MCM9: variants seen among roughly 807,000 people sequenced by gnomAD.
The protein encoded by MCM9 is minichromosome maintenance 9 homologous recombination repair factor.
In MCM9, 55 loss-of-function variants were observed where a neutral mutation model predicts 72.8. The observed-to-expected ratio is 0.76, with a 90% confidence interval of 0.61 to 0.95. The LOEUF is 0.95. Among genes scored for constraint, MCM9 ranks in the 40% least tolerant of loss-of-function variants. MCM9 has a pLI of 0.00. For missense variants in MCM9, 1,279 were observed against 1,377.0 expected (o/e 0.93, Z 1.13); for synonymous variants, 480 against 503.4 (o/e 0.95, Z 0.62).
chr6:118,932,061 C>T (rs770718517), intron 2 of MCM9, among the ~76,000 whole-genome samples: 7 of 152,200 alleles, frequency 4.6e-5, no homozygotes, highest in Non-Finnish European at 1.0e-4. Context: ...ATGCACCTAA[C>T]AACATTTCCG....
chr6:118,874,335 A>C (rs1196547529), intron 8 of MCM9, among the ~76,000 whole-genome samples: 3 of 152,322 alleles, frequency 2.0e-5, no homozygotes, highest in Middle Eastern at 6.8e-3. Flanking sequence ...TCACAATATC[A>C]ATAGATGCAG....
At chr6:118,908,669 A>G (rs551993426) in intron 8 of MCM9, 1 of 152,438 alleles carries the variant, frequency 6.6e-6, no homozygotes, top group East Asian at 1.9e-4. Flanking sequence ...AAATCTTTGA[A>G]AAGCAATCTT....
At chr6:118,839,197 T>C (rs1165493838) in intron 9 of MCM9, among the ~76,000 whole-genome samples, 2 of 151,902 alleles carry the variant, frequency 1.3e-5, no homozygotes, top group African/African-American at 4.8e-5. Flanking sequence ...TGATATCCTT[T>C]CTTCTGCTTG....
At chr6:118,907,520 TTTC>T in intron 8 of MCM9, 3 of 1,613,698 alleles carry the variant, frequency 1.9e-6, no homozygotes, top group Non-Finnish European at 2.5e-6. Context: ...CAGTCACTTC[TTTC>T]AACAGATGCA....
intron 8 of MCM9, 143 bp downstream of exon 8, chr6:118,911,507 A>T: frequency 7.4e-7 from 1 of 1,358,422 alleles, no homozygotes; most frequent in East Asian, 2.7e-5. Context: ...CCAAAATAAC[A>T]TTGCATATTT....
At position 118,820,715 on chromosome 6, in the gene MCM9, A is replaced by T. The variant is rs547940665; in HGVS notation, c.1962-4421T>A. ...CCTCATGGATCTATCTAATACTGAC[A>T]GTGGGGAGTTAAAGTCTCCCACTAT... On this transcript the variant is annotated intron_variant, in intron 13 of 13. Coordinates refer to ENST00000619706, the MANE Select transcript of MCM9 (RefSeq NM_017696.3). 3.3e-5 allele frequency among the ~76,000 whole-genome samples: 5 copies of T among 152,258 alleles called. No individual in the cohort carries two copies. The East Asian group carries it at 9.6e-4, about 29-fold the overall frequency.
In MCM9 at chr6:118,815,689, G is replaced by GC; in HGVS notation, c.2566dup (p.Ala856GlyfsTer8). ...GGTGCTATTTCTGCACAACTTCTGG[G>GC]CCCTCTCTTTGCACAGCTTCTGCAG... On this transcript the variant is annotated frameshift_variant, in exon 14 of 14. Transcript: ENST00000619706. LOFTEE classifies it low-confidence loss of function (END_TRUNC). 1 of 1,548,696 alleles carries GC rather than the reference G, an allele frequency of 6.5e-7. No individual in the cohort carries two copies. Among genetic ancestry groups the GC allele is most frequent in the Non-Finnish European group, 8.7e-7 (1 of 1,146,684 alleles).
At chr6:118,830,533 G>A (rs920090320) in intron 9 of MCM9, among the ~76,000 whole-genome samples, 1 of 152,168 alleles carries the variant, frequency 6.6e-6, no homozygotes, top group Non-Finnish European at 1.5e-5. Flanking sequence ...CTTTTGTAAA[G>A]ACAGTTGTTT....
intron 8 of MCM9, chr6:118,894,279 A>G: frequency 6.8e-7 from 1 of 1,464,462 alleles, no homozygotes; most frequent in East Asian, 2.5e-5. Context: ...AGAGGAAAAA[A>G]GTTTCTCAAG....
In MCM9 at chr6:118,911,758, G is replaced by A. The variant is rs1190463869; in HGVS notation, c.1042C>T (p.Leu348Phe). The A allele has an allele frequency of 6.2e-7, 1 of 1,611,182 alleles. No homozygotes were observed. The highest frequency in any genetic ancestry group is 1.1e-5 in the South Asian group (1 of 90,248). ...TGTRVRGESH[L>F]LLVGDPGTGK... ...GTGCCAGGATCCCCAACCAATAAAA[G>A]ATGAGATTCTCCTAGGAAAAAGCAA... Residue 348 changes from leucine to phenylalanine, a missense_variant, in exon 8 of 14, where the codon CTT (leucine) becomes TTT (phenylalanine). Leu to Phe is a conservative substitution (Grantham distance 22). Transcript: ENST00000619706.
intron 8 of MCM9, among the ~76,000 whole-genome samples, chr6:118,878,551 T>C (rs1017825326): frequency 6.6e-6 from 1 of 152,160 alleles, no homozygotes; most frequent in Non-Finnish European, 1.5e-5. Context: ...ATATAATTTG[T>C]ATGACAATAA....
chr6:118,879,732 TAA>T (rs568419067), intron 8 of MCM9, among the ~76,000 whole-genome samples: 6 of 140,442 alleles, frequency 4.3e-5, no homozygotes, highest in African/African-American at 1.5e-4. Flanking sequence ...GACATCAAAT[TAA>T]AAAAAAAAAA....
intron 9 of MCM9, among the ~76,000 whole-genome samples, chr6:118,853,082 G>C (rs1052852208): frequency 2.0e-5 from 3 of 151,976 alleles, no homozygotes; most frequent in Admixed American, 2.0e-4. Context: ...TATAATTTTG[G>C]GTGAATATGA....
intron 8 of MCM9, among the ~76,000 whole-genome samples, chr6:118,873,488 G>C (rs1224988158): frequency 6.6e-6 from 1 of 152,102 alleles, no homozygotes; most frequent in Non-Finnish European, 1.5e-5. Flanking sequence ...GCATAATAAA[G>C]AACATATAAA....
At chr6:118,868,092 G>A (rs1199725029) in intron 8 of MCM9, among the ~76,000 whole-genome samples, 3 of 152,022 alleles carry the variant, frequency 2.0e-5, no homozygotes, top group South Asian at 2.1e-4. Context: ...GGCCAGGCTC[G>A]TCTTGAACTC....
intron 8 of MCM9, among the ~76,000 whole-genome samples, chr6:118,869,368 C>T (rs995441638): frequency 1.3e-5 from 2 of 151,908 alleles, no homozygotes; most frequent in Non-Finnish European, 2.9e-5. Flanking sequence ...ATGAATCAAA[C>T]CTGCACGTTG....
Position 118,828,047 on chromosome 6 carries a change from G to C in MCM9, c.1612C>G (p.Leu538Val). The change falls in exon 11 of 14, where the codon CTG (leucine) becomes GTG (valine). Residue 538 changes from leucine (L) to valine (V), a missense_variant. Coordinates refer to ENST00000619706, the MANE Select transcript of MCM9 (RefSeq NM_017696.3). ...AGAACCTGATTGCCCACATCAGACA[G>C]TGTGGGCTGCAGATTCCTTATGAGG... ...FCLIRNLQPT[L>V]SDVGNQVLLR... The C allele has an allele frequency of 2.6e-6, 4 of 1,550,630 alleles. No individual in the cohort carries two copies. The highest frequency in any genetic ancestry group is 3.5e-6 in the Non-Finnish European group (4 of 1,146,888).
intron 13 of MCM9, among the ~76,000 whole-genome samples, chr6:118,816,536 G>T (rs942912425): frequency 3.9e-5 from 6 of 152,130 alleles, no homozygotes; most frequent in Admixed American, 6.6e-5. Context: ...TAAAGAAAAT[G>T]AAATCGGAGA....
rs1583416484 is a variant in MCM9 at position 118,846,085 on chromosome 6, T to C, written c.1325+10286A>G. ...ATAAAATATACAGTAAAAGTCAACA[T>C]TTAAGAGTTAAATAATATAAGAAAG... is the stretch of plus-strand genomic sequence containing the variant. On this transcript the variant is annotated intron_variant, in intron 9 of 13. Coordinates refer to ENST00000619706, the MANE Select transcript of MCM9 (RefSeq NM_017696.3). 1.3e-5 allele frequency among the ~76,000 whole-genome samples: 2 copies of C among 151,838 alleles called. 1 individual carries two copies. Among genetic ancestry groups the C allele is most frequent in the African/African-American group, 4.9e-5 (2 of 41,146 alleles).
Sources: allele counts gnomAD v4.1 joint callset (sites outside exome capture counted in the v4.1 genomes callset), GRCh38; gene constraint gnomAD v4.1.1; transcripts MANE v1.5; gene names NCBI Gene and HGNC (gene_info 2026-07-23, HGNC 2026-07-21).